Variants in RAB11FIP3 observed in about 807,000 individuals in gnomAD.
RAB11FIP3 encodes RAB11 family interacting protein 3, also known as rab11 family-interacting protein 3.
RAB11FIP3 carries 17 observed loss-of-function variants against 77.8 expected under a neutral mutation model. That is an observed-to-expected ratio of 0.22 (90% CI 0.15 to 0.33). The LOEUF (loss-of-function observed/expected upper bound fraction) is 0.33. Among genes scored for constraint, RAB11FIP3 ranks in the 10% least tolerant of loss-of-function variants. RAB11FIP3 has a pLI of 1.00. For synonymous variants in RAB11FIP3, 437 were observed against 448.2 expected, an observed-to-expected ratio of 0.98 and a Z score of 0.31; for missense variants, 1,005 against 1,011.2, an observed-to-expected ratio of 0.99 and a Z score of 0.08.
At chr16:487,371 C>G (rs1045697064) in intron 4 of RAB11FIP3, among the ~76,000 whole-genome samples, 6 of 152,162 alleles carry the variant, frequency 3.9e-5, no homozygotes, top group African/African-American at 1.4e-4. Context: ...ATCTGCCCGC[C>G]TCGGCCTCCC....
At chr16:509,043 A>T (rs1024495901) in intron 8 of RAB11FIP3, among the ~76,000 whole-genome samples, 1 of 152,010 alleles carries the variant, frequency 6.6e-6, no homozygotes, top group Non-Finnish European at 1.5e-5. Context: ...AGCTGGGACT[A>T]CAGGCACCTG....
intron 1 of RAB11FIP3, among the ~76,000 whole-genome samples, chr16:457,020 C>T (rs900261011): frequency 2.6e-5 from 4 of 151,896 alleles, no homozygotes; most frequent in African/African-American, 4.8e-5. Context: ...CAGATAGCTT[C>T]GGGAACTCCT....
chr16:473,857 C>T (rs764615335), intron 3 of RAB11FIP3, among the ~76,000 whole-genome samples: 11 of 152,120 alleles, frequency 7.2e-5, no homozygotes, highest in Non-Finnish European at 1.3e-4. Context: ...GCCGGCTCAT[C>T]CCTCACACCA....
At chr16:493,268 AAAAG>A (rs2030760386) in intron 5 of RAB11FIP3, among the ~76,000 whole-genome samples, 1 of 151,122 alleles carries the variant, frequency 6.6e-6, no homozygotes, top group Non-Finnish European at 1.5e-5. Context: ...AAAAAAAAAA[AAAAG>A]ACTCTACCAA....
intron 1 of RAB11FIP3, among the ~76,000 whole-genome samples, chr16:434,899 C>T (rs1477659147): frequency 7.2e-5 from 11 of 151,854 alleles, no homozygotes; most frequent in Non-Finnish European, 1.6e-4. Context: ...CTAAAGTCTA[C>T]TGTCTACTAA....
chr16:435,143 T>C (rs1332838185), intron 1 of RAB11FIP3, among the ~76,000 whole-genome samples: 1 of 150,724 alleles, frequency 6.6e-6, no homozygotes, highest in Non-Finnish European at 1.5e-5. Context: ...AGGTGGAGGT[T>C]GCAGTGAGTC....
intron 3 of RAB11FIP3, among the ~76,000 whole-genome samples, chr16:479,543 A>C (rs1284548071): frequency 6.6e-6 from 1 of 151,954 alleles, no homozygotes; most frequent in Non-Finnish European, 1.5e-5. Context: ...ATAAATCAAC[A>C]AACAAACAAA....
Position 426,698 on chromosome 16 carries a change from C to T in RAB11FIP3, c.692C>T (p.Ala231Val). 1 of 1,526,986 alleles carries T rather than the reference C, an allele frequency of 6.5e-7. No individual in the cohort carries two copies. The highest frequency in any genetic ancestry group is 8.8e-7 in the Non-Finnish European group (1 of 1,136,156). The allele number at this position is 1,526,986 out of a possible 1,614,324, so 94.6% of individuals were successfully genotyped here. ...CGCATCGAGGACTTCATCCAGTTTG[C>T]TACGGTCTACGGGGCAGAGCAGGTA... ...FVRIEDFIQF[A>V]TVYGAEQVKD... The change falls in exon 1 of 14, where the codon GCT (alanine) becomes GTT (valine). Residue 231 changes from alanine (A) to valine (V), a missense_variant. Ala to Val is a moderately conservative substitution (Grantham distance 64). Coordinates refer to ENST00000262305, the MANE Select transcript of RAB11FIP3 (RefSeq NM_014700.4). The surrounding 1 kb of genome is among the most constrained non-coding windows in gnomAD (Gnocchi z 5.0).
chr16:486,183 C>T (rs902688387), intron 4 of RAB11FIP3, among the ~76,000 whole-genome samples: 3 of 152,128 alleles, frequency 2.0e-5, no homozygotes, highest in Non-Finnish European at 4.4e-5. Context: ...GGATTACAGG[C>T]GAGTATTTTC....
In RAB11FIP3 at chr16:482,725, G is replaced by T. The variant is rs768404255; in HGVS notation, c.1104G>T (p.Leu368=). 3.7e-6 allele frequency: 6 copies of T among 1,603,624 alleles called. No individual in the cohort carries two copies. In the Admixed American group the frequency reaches 8.5e-5, roughly 23 times the overall value. The change falls in exon 4 of 14, where the codon CTG becomes CTT. Residue 368 remains leucine (L), a synonymous_variant. Coordinates refer to ENST00000262305, the MANE Select transcript of RAB11FIP3 (RefSeq NM_014700.4). ...MEEPDHGALL[L]LPGRPHPHGQ... is the part of the protein sequence containing the mutation. ...AGCCCGACCATGGTGCCCTGCTGCTGCTCCCAGGCAGGTCTGTACCCCGCC... is the reference window on the plus strand; with the variant it reads ...AGCCCGACCATGGTGCCCTGCTGCTTCTCCCAGGCAGGTCTGTACCCCGCC...
chr16:488,765 A>G (rs1313438629), intron 4 of RAB11FIP3, 86 bp from the exon 5 acceptor site: 1 of 1,387,682 alleles, frequency 7.2e-7, no homozygotes, highest in East Asian at 2.4e-5. Context: ...CTTGTAGCAC[A>G]CCCTATGGAA....
intron 1 of RAB11FIP3, among the ~76,000 whole-genome samples, chr16:454,745 G>A (rs906664308): frequency 7.9e-5 from 12 of 152,060 alleles, no homozygotes; most frequent in African/African-American, 2.4e-4. Context: ...TCATTCAAGC[G>A]TATAAGAACA....
intron 1 of RAB11FIP3, among the ~76,000 whole-genome samples, chr16:438,118 C>T (rs1418195135): frequency 1.4e-5 from 2 of 147,132 alleles, no homozygotes; most frequent in African/African-American, 2.5e-5. Context: ...CTTCCCCCAC[C>T]TCCTCCTGAG....
chr16:514,220 A>C lies in RAB11FIP3; in HGVS notation c.1640+3420A>C, dbSNP rs2032309179. Among the ~76,000 whole-genome samples, 1 of 151,620 alleles carries C rather than the reference A, an allele frequency of 6.6e-6. No individual in the cohort carries two copies. On this transcript the variant is annotated intron_variant, in intron 9 of 13. Coordinates refer to ENST00000262305, the MANE Select transcript of RAB11FIP3 (RefSeq NM_014700.4). This position sits in a 1 kb window ranked among gnomAD's most constrained non-coding sequence, Gnocchi z 4.6. ...AACCTTGTGGTTCTCAGGGCTGCTC[A>C]GGCCGTCAGAGGCCCCTGCAGCCCC...
intron 1 of RAB11FIP3, among the ~76,000 whole-genome samples, chr16:452,194 G>A (rs936111229): frequency 2.6e-5 from 4 of 151,660 alleles, no homozygotes; most frequent in Non-Finnish European, 4.4e-5. Context: ...AATCAGCTGG[G>A]CATAGTGGTG....
chr16:462,566 G>T (rs568101483), intron 2 of RAB11FIP3, among the ~76,000 whole-genome samples: 57 of 137,152 alleles, frequency 4.2e-4, no homozygotes, highest in Non-Finnish European at 8.1e-4. Flanking sequence ...GAGGGTTCGC[G>T]TGCTCTCACT....
intron 5 of RAB11FIP3, among the ~76,000 whole-genome samples, chr16:493,811 C>CCAGGCTGG (rs2030834152): frequency 4.8e-5 from 7 of 146,910 alleles, no homozygotes; most frequent in Non-Finnish European, 7.4e-5. Flanking sequence ...TTCACCATGT[C>CCAGGCTGG]TCAATCTCCG....
intron 3 of RAB11FIP3, among the ~76,000 whole-genome samples, chr16:475,694 G>A (rs138446752): frequency 4.9e-4 from 75 of 152,266 alleles, no homozygotes; most frequent in African/African-American, 1.8e-3. Flanking sequence ...TCTGAGTATC[G>A]ATGGCGATGG....
At position 507,324 on chromosome 16, in the gene RAB11FIP3, G is replaced by A. The variant is rs2141872921; in HGVS notation, c.1499+1697G>A. ...GACGGGGTTTCACCATATTGACCAG[G>A]CTGGTCTTGAACTCCTGACCTTGTG... is the stretch of plus-strand genomic sequence containing the variant. On this transcript the variant is annotated intron_variant, in intron 8 of 13. Coordinates refer to ENST00000262305, the MANE Select transcript of RAB11FIP3 (RefSeq NM_014700.4). This position sits in a 1 kb window ranked among gnomAD's most constrained non-coding sequence, Gnocchi z 4.6. Among the ~76,000 whole-genome samples, 1 of 152,288 alleles carries A rather than the reference G, an allele frequency of 6.6e-6. No homozygotes were observed.
Sources: gnomAD v4.1 joint callset for allele counts (sites outside exome capture counted in the v4.1 genomes callset) on GRCh38, gnomAD v4.1.1 for gene constraint, Gnocchi (gnomAD v3.1) non-coding constraint, MANE v1.5 for transcripts, NCBI Gene and HGNC (gene_info 2026-07-23, HGNC 2026-07-21) for gene names.